RGS6: variants seen among roughly 807,000 people sequenced by gnomAD.
RGS6 encodes the protein regulator of G-protein signaling 6.
Under a neutral mutation model 78.5 loss-of-function variants are expected in RGS6, and 30 were observed. That is an observed-to-expected ratio of 0.38 (90% CI 0.29 to 0.52). The LOEUF (loss-of-function observed/expected upper bound fraction) is 0.52. Among genes scored for constraint, RGS6 ranks in the 20% least tolerant of loss-of-function variants. The probability of loss-of-function intolerance (pLI) is 0.85; values close to 1 mark genes in which losing one functional copy is unlikely to be tolerated. For missense variants in RGS6, 495 were observed against 609.7 expected (o/e 0.81, Z 1.98); for synonymous variants, 206 against 206.0 (o/e 1.00, Z 0.00).
At chr14:72,223,107 C>G (rs1345507246) in intron 2 of RGS6, among the ~76,000 whole-genome samples, 1 of 152,142 alleles carries the variant, frequency 6.6e-6, no homozygotes, top group Non-Finnish European at 1.5e-5. Flanking sequence ...TTCAAGAGTT[C>G]AAATTTGTTG....
chr14:71,985,054 G>C (rs374198092), intron 2 of RGS6, among the ~76,000 whole-genome samples: 3 of 152,074 alleles, frequency 2.0e-5, no homozygotes, highest in Admixed American at 1.3e-4. Flanking sequence ...GTGCTATTTT[G>C]TGCTTTTCTA....
intron 13 of RGS6, among the ~76,000 whole-genome samples, chr14:72,496,024 ACTCACATTGT>A (rs1466872842): frequency 5.3e-5 from 8 of 151,948 alleles, no homozygotes; most frequent in Non-Finnish European, 1.2e-4. Flanking sequence ...TGTCTCTGTC[ACTCACATTGT>A]CTTTCACTTT....
intron 3 of RGS6, among the ~76,000 whole-genome samples, chr14:72,441,325 C>T (rs2095190918): frequency 6.6e-6 from 1 of 152,228 alleles, no homozygotes; most frequent in Non-Finnish European, 1.5e-5. Flanking sequence ...ATTGCAGTCT[C>T]TAAAATCTCT....
chr14:71,932,313 C>T (rs958366620), upstream of RGS6: 1 of 151,440 alleles, frequency 6.6e-6, no homozygotes, highest in Non-Finnish European at 1.5e-5. Flanking sequence ...GCACGCGGTC[C>T]GGGCCCAGGT....
chr14:72,292,428 T>C (rs1381218628), intron 2 of RGS6, among the ~76,000 whole-genome samples: 3 of 152,140 alleles, frequency 2.0e-5, no homozygotes, highest in African/African-American at 2.4e-5. Flanking sequence ...CCAAGGCAAG[T>C]GAACGATGGA....
the RGS6 span, among the ~76,000 whole-genome samples, chr14:72,580,421 T>C: frequency 6.6e-6 from 1 of 151,504 alleles, no homozygotes; most frequent in Non-Finnish European, 1.5e-5. Context: ...CCTGTAGCCC[T>C]GAGTGGGAAC....
chr14:72,547,090 G>C lies in RGS6; in HGVS notation c.1422+6996G>C, dbSNP rs536506371. On this transcript the variant is annotated intron_variant, in intron 17 of 17. Coordinates refer to ENST00000553525, the MANE Select transcript of RGS6 (RefSeq NM_001204424.2). The stretch of plus-strand genomic sequence containing the variant: ...AGGCAGAGAGTGAAGGGGAGTGCAG[G>C]GCCCCCCGCAGGATAAACAGCGGGA... 21 of 1,324,964 alleles carry C rather than the reference G, an allele frequency of 1.6e-5. No homozygotes were observed. The South Asian group carries it at 1.9e-4, about 12-fold the overall frequency. 82.1% of individuals were successfully genotyped at this position (1,324,964 alleles called of 1,614,324 possible). A position where few individuals can be genotyped will look rare whatever the true frequency, so the allele number is the denominator to read the frequency against.
At chr14:72,324,356 G>A (rs529703931) in intron 2 of RGS6, among the ~76,000 whole-genome samples, 2 of 151,924 alleles carry the variant, frequency 1.3e-5, no homozygotes, top group Admixed American at 1.3e-4. Flanking sequence ...CATTTACAAA[G>A]GACTATTCTT....
intron 2 of RGS6, among the ~76,000 whole-genome samples, chr14:72,280,080 G>A (rs1428683136): frequency 6.6e-6 from 1 of 152,088 alleles, no homozygotes; most frequent in Non-Finnish European, 1.5e-5. Flanking sequence ...TGGAGGCAGG[G>A]GTTGTGAAGT....
At chr14:72,421,900 G>C (rs762345254) in intron 3 of RGS6, among the ~76,000 whole-genome samples, 78 of 152,246 alleles carry the variant, frequency 5.1e-4, no homozygotes, top group Non-Finnish European at 7.5e-4. Context: ...CATGCTCCCG[G>C]CTGACCTCAC....
the RGS6 span, among the ~76,000 whole-genome samples, chr14:72,579,306 A>G: frequency 6.6e-6 from 1 of 152,248 alleles, no homozygotes; most frequent in African/African-American, 2.4e-5. Flanking sequence ...GTCCCTGGCC[A>G]TCACTGTCAT....
intron 2 of RGS6, among the ~76,000 whole-genome samples, chr14:71,988,352 G>A (rs1041824336): frequency 3.0e-4 from 45 of 152,170 alleles, no homozygotes; most frequent in African/African-American, 9.7e-4. Context: ...TTGTCAGCAA[G>A]CAACTTGCTG....
intron 3 of RGS6, among the ~76,000 whole-genome samples, chr14:72,384,192 G>A (rs79513841): frequency 0.013 from 2,055 of 152,252 alleles, 55 homozygotes; most frequent in African/African-American, 0.047. Flanking sequence ...GGGGCATGGT[G>A]ATGGAAAAGA....
At chr14:72,254,948 C>T (rs2056743831) in intron 2 of RGS6, among the ~76,000 whole-genome samples, 1 of 152,082 alleles carries the variant, frequency 6.6e-6, no homozygotes. Flanking sequence ...ACCATATTAC[C>T]TTGACTGAGG....
the RGS6 span, chr14:72,629,581 C>T: frequency 2.7e-6 from 4 of 1,505,056 alleles, no homozygotes; most frequent in South Asian, 1.2e-5. Flanking sequence ...AGGACCCCAG[C>T]TCTGTGGATT....
intron 3 of RGS6, among the ~76,000 whole-genome samples, chr14:72,360,608 G>T (rs964115019): frequency 6.6e-6 from 1 of 151,808 alleles, no homozygotes; most frequent in African/African-American, 2.4e-5. Context: ...GATGTGATGG[G>T]AGGTGGTGGA....
chr14:72,608,557 G>A, the RGS6 span, among the ~76,000 whole-genome samples: 1 of 152,088 alleles, frequency 6.6e-6, no homozygotes, highest in Admixed American at 6.5e-5. Flanking sequence ...CACCTCTCCT[G>A]TGAGTCATCT....
intron 2 of RGS6, among the ~76,000 whole-genome samples, chr14:72,317,089 A>G (rs939163596): frequency 1.3e-5 from 2 of 152,130 alleles, no homozygotes; most frequent in African/African-American, 2.4e-5. Flanking sequence ...TGGCTGTAGC[A>G]CTGGTTGGTT....
At chr14:72,520,539 C>T (rs1025961055) in intron 15 of RGS6, among the ~76,000 whole-genome samples, 89 of 152,308 alleles carry the variant, frequency 5.8e-4, no homozygotes, top group African/African-American at 2.1e-3. Flanking sequence ...CAACAACGTA[C>T]TAATTTTATT....
Sources: gnomAD v4.1 joint callset for allele counts (sites outside exome capture counted in the v4.1 genomes callset) on GRCh38, gnomAD v4.1.1 for gene constraint, MANE v1.5 for transcripts, NCBI Gene and HGNC (gene_info 2026-07-23, HGNC 2026-07-21) for gene names.